Variants in BACH2 observed in about 807,000 individuals in gnomAD.
BACH2 encodes transcription regulator protein BACH2.
In BACH2, 5 loss-of-function variants were observed where a neutral mutation model predicts 61.8. The observed-to-expected ratio is 0.08, with a 90% CI of 0.04 to 0.17. The LOEUF (loss-of-function observed/expected upper bound fraction) is 0.17. Ranked by LOEUF, BACH2 falls within the 10% of genes least tolerant of loss-of-function variation. The pLI, the probability that BACH2 is intolerant of heterozygous loss-of-function variation, is 1.00. For missense variants in BACH2, 824 were observed against 1,091.1 expected (o/e 0.76, Z 3.45); for synonymous variants, 446 against 440.1 (o/e 1.01, Z -0.17).
chr6:90,030,338 C>T (rs111816653), intron 5 of BACH2, among the ~76,000 whole-genome samples: 7,360 of 152,054 alleles, frequency 0.048, 583 homozygotes, highest in African/African-American at 0.16. Flanking sequence ...TGGGAGTAGA[C>T]GTGGCTCTGG....
At chr6:90,035,153 A>C (rs1779200853) in intron 5 of BACH2, among the ~76,000 whole-genome samples, 1 of 152,144 alleles carries the variant, frequency 6.6e-6, no homozygotes, top group Admixed American at 6.6e-5. Flanking sequence ...ATAGCACATG[A>C]AAAAATACAA....
chr6:89,991,747 GATCA>G (rs539416333), intron 6 of BACH2, among the ~76,000 whole-genome samples: 162 of 151,864 alleles, frequency 1.1e-3, no homozygotes, highest in African/African-American at 3.6e-3. Context: ...GCCAATCAAG[GATCA>G]CTCATTACAT....
intron 5 of BACH2, among the ~76,000 whole-genome samples, chr6:90,039,507 C>T (rs928774923): frequency 6.6e-6 from 1 of 152,164 alleles, no homozygotes; most frequent in Non-Finnish European, 1.5e-5. Flanking sequence ...GCCTCAGCCT[C>T]CTGAGTAGTC....
chr6:90,268,014 T>TG (rs1771399224), intron 2 of BACH2, among the ~76,000 whole-genome samples: 1 of 151,114 alleles, frequency 6.6e-6, no homozygotes, highest in Non-Finnish European at 1.5e-5. Flanking sequence ...TTTTTTGTTT[T>TG]TTTTTTTTTT....
At chr6:90,206,143 T>C (rs1769136875) in intron 4 of BACH2, among the ~76,000 whole-genome samples, 1 of 152,184 alleles carries the variant, frequency 6.6e-6, no homozygotes. Context: ...CTTGCAATAA[T>C]CCTATCAGGT....
At chr6:90,034,124 T>C (rs1478923635) in intron 5 of BACH2, among the ~76,000 whole-genome samples, 1 of 152,122 alleles carries the variant, frequency 6.6e-6, no homozygotes, top group African/African-American at 2.4e-5. Flanking sequence ...GAAACTGTAG[T>C]TATATGGTGA....
chr6:90,092,294 ATAT>A lies in BACH2; in HGVS notation c.-161-3188_-161-3186del, dbSNP rs1562438078. 3.2e-3 allele frequency among the ~76,000 whole-genome samples: 214 copies of A among 66,490 alleles called. 2 individuals carry two copies. The highest frequency in any genetic ancestry group is 0.013 in the African/African-American group (193 of 14,898). 43.6% of individuals were successfully genotyped at this position (66,490 alleles called of 152,430 possible). ...CACTGTCAAAGTAAAAAAAAAAAAT[ATAT>A]ATATATATATATATATATACACACA... On this transcript the variant is annotated intron_variant, in intron 4 of 8. Transcript: ENST00000257749.
chr6:90,154,650 G>A (rs1033135614), intron 4 of BACH2, among the ~76,000 whole-genome samples: 2 of 152,150 alleles, frequency 1.3e-5, no homozygotes, highest in Non-Finnish European at 2.9e-5. Flanking sequence ...AAGGAGCACT[G>A]CACCTTCTGA....
intron 4 of BACH2, among the ~76,000 whole-genome samples, chr6:90,181,373 A>G (rs896176085): frequency 6.6e-5 from 10 of 151,752 alleles, no homozygotes; most frequent in African/African-American, 2.2e-4. Flanking sequence ...TTACATAAAC[A>G]GGGGAAAAAT....
chr6:90,211,073 TGAACCAG>T (rs1354996054), intron 3 of BACH2, among the ~76,000 whole-genome samples: 5 of 122,022 alleles, frequency 4.1e-5, no homozygotes, highest in Admixed American at 1.2e-4. Flanking sequence ...GAGAATAGCC[TGAACCAG>T]GAGGCAGAGG....
intron 4 of BACH2, among the ~76,000 whole-genome samples, chr6:90,107,865 C>T (rs1782994161): frequency 6.6e-6 from 1 of 152,124 alleles, no homozygotes; most frequent in African/African-American, 2.4e-5. Flanking sequence ...CTGTACAAGG[C>T]TTACAAAGCA....
At chr6:90,029,096 G>T (rs917075106) in intron 5 of BACH2, among the ~76,000 whole-genome samples, 1 of 152,026 alleles carries the variant, frequency 6.6e-6, no homozygotes, top group African/African-American at 2.4e-5. Flanking sequence ...TTTTGGCCCT[G>T]CCCACCTAAC....
chr6:89,938,550 C>T (rs1219863364), intron 7 of BACH2, among the ~76,000 whole-genome samples, 200 bp from the exon 8 acceptor site: 4 of 152,146 alleles, frequency 2.6e-5, no homozygotes, highest in Admixed American at 2.0e-4. Context: ...AATAAGAACA[C>T]ATATATTGCA....
At chr6:89,992,672 C>CAA (rs60663156) in intron 6 of BACH2, among the ~76,000 whole-genome samples, 50 of 150,726 alleles carry the variant, frequency 3.3e-4, no homozygotes, top group Admixed American at 4.6e-4. Context: ...AACAAACAAA[C>CAA]AAAAAAAAAC....
intron 4 of BACH2, among the ~76,000 whole-genome samples, chr6:90,180,642 C>A (rs1768125946): frequency 6.6e-6 from 1 of 152,116 alleles, no homozygotes; most frequent in Non-Finnish European, 1.5e-5. Flanking sequence ...GCTTTCAATT[C>A]CTGAATTACT....
intron 6 of BACH2, among the ~76,000 whole-genome samples, chr6:89,993,748 A>G (rs1013049193): frequency 1.3e-5 from 2 of 152,002 alleles, no homozygotes; most frequent in Non-Finnish European, 2.9e-5. Context: ...GGAAGGTGGC[A>G]TGAACTCCAA....
chr6:89,959,130 C>T (rs1774597813), intron 6 of BACH2, among the ~76,000 whole-genome samples: 1 of 127,912 alleles, frequency 7.8e-6, no homozygotes, highest in East Asian at 2.0e-4. Flanking sequence ...CACACACACA[C>T]ACACACACAC....
At chr6:90,088,854 T>C (rs993615539) in intron 5 of BACH2, 107 bp downstream of exon 5, 49 of 152,020 alleles carry the variant, frequency 3.2e-4, no homozygotes, top group African/African-American at 1.2e-3. Flanking sequence ...AGCTCCTTTG[T>C]TAAAAAAAAA....
intron 3 of BACH2, among the ~76,000 whole-genome samples, chr6:90,219,928 A>G (rs1371008241): frequency 6.6e-6 from 1 of 151,850 alleles, no homozygotes; most frequent in Non-Finnish European, 1.5e-5. Flanking sequence ...TTTTTTCTGC[A>G]CTAAGGGTTT....
Sources: allele counts gnomAD v4.1 joint callset (sites outside exome capture counted in the v4.1 genomes callset), GRCh38; gene constraint gnomAD v4.1.1; transcripts MANE v1.5; gene names NCBI Gene and HGNC (gene_info 2026-07-23, HGNC 2026-07-21).